Variants in SUFU observed in about 807,000 individuals in gnomAD.
SUFU encodes suppressor of fused homolog.
A neutral mutation model predicts 58.9 loss-of-function variants in SUFU; 7 were observed. That is an observed-to-expected ratio of 0.12 (90% confidence interval 0.07 to 0.22). The LOEUF (loss-of-function observed/expected upper bound fraction) is 0.22. Among genes scored for constraint, SUFU ranks in the 10% least tolerant of loss-of-function variants. The pLI, the probability that SUFU is intolerant of heterozygous loss-of-function variation, is 1.00. For missense variants in SUFU, 451 were observed against 641.3 expected (o/e 0.70, Z 3.20); for synonymous variants, 232 against 254.8 (o/e 0.91, Z 0.85).
intron 3 of SUFU, among the ~76,000 whole-genome samples, chr10:102,557,737 T>C (rs945871153): frequency 7.9e-5 from 12 of 152,152 alleles, no homozygotes; most frequent in African/African-American, 2.9e-4. Context: ...GGGCTATGAC[T>C]ATAGCTATGA....
chr10:102,618,606 G>A (rs45516493), intron 10 of SUFU: 15,248 of 169,388 alleles, frequency 0.09, 919 homozygotes, highest in Non-Finnish European at 0.13. Flanking sequence ...TTATTATATC[G>A]TTTCATAACA....
intron 10 of SUFU, among the ~76,000 whole-genome samples, chr10:102,622,991 C>CAAAAA (rs60442672): frequency 1.4e-4 from 8 of 58,358 alleles, no homozygotes; most frequent in Admixed American, 2.0e-4. Context: ...AACTCCGTCT[C>CAAAAA]AAAAAAAAAA....
chr10:102,597,005 TGCTCTCC>T (rs2135880550), intron 6 of SUFU, 128 bp from the exon 7 acceptor site: 1 of 1,053,830 alleles, frequency 9.5e-7, no homozygotes, highest in African/African-American at 1.6e-5. Flanking sequence ...TCAGAGATCC[TGCTCTCC>T]AGCATTTGTC....
At chr10:102,559,294 G>A (rs1286657287) in intron 3 of SUFU, among the ~76,000 whole-genome samples, 1 of 152,218 alleles carries the variant, frequency 6.6e-6, no homozygotes, top group Non-Finnish European at 1.5e-5. Flanking sequence ...AGAAGGGAAT[G>A]GCCAGGAAAA....
rs2062548434 is a variant in SUFU, at chr10:102,521,268, C to T, written c.317+11965C>T. On this transcript the variant is annotated intron_variant, in intron 2 of 11. Coordinates refer to ENST00000369902, the MANE Select transcript of SUFU (RefSeq NM_016169.4). Reference sequence around the variant, plus strand: ...TGCTTGTCTGTCATCTGTATATCTTCTTTGGTGACATATCTTTGTTTTTCT... The same window carrying T: ...TGCTTGTCTGTCATCTGTATATCTTTTTTGGTGACATATCTTTGTTTTTCT... Among the ~76,000 whole-genome samples the T allele has an allele frequency of 3.3e-5, 5 of 152,278 alleles. No individual in the cohort carries two copies. In the South Asian group the frequency reaches 1.0e-3, roughly 32 times the overall value.
chr10:102,523,682 A>T (rs2062575807), intron 2 of SUFU, among the ~76,000 whole-genome samples: 1 of 152,182 alleles, frequency 6.6e-6, no homozygotes, highest in Non-Finnish European at 1.5e-5. Context: ...CCAATTTCTC[A>T]TTCCTGTAAC....
intron 3 of SUFU, among the ~76,000 whole-genome samples, chr10:102,589,220 G>A (rs931618472): frequency 1.3e-5 from 2 of 151,492 alleles, no homozygotes; most frequent in Middle Eastern, 3.2e-3. Context: ...GAGCCACCAT[G>A]CATGGCCTTA....
chr10:102,514,324 G>T (rs1331940550), intron 2 of SUFU, among the ~76,000 whole-genome samples: 1 of 152,184 alleles, frequency 6.6e-6, no homozygotes, highest in East Asian at 1.9e-4. Flanking sequence ...CATGCTTCAG[G>T]GTCAGGAGGG....
intron 6 of SUFU, among the ~76,000 whole-genome samples, chr10:102,595,851 G>T (rs528885321): frequency 3.2e-4 from 48 of 152,172 alleles, no homozygotes; most frequent in African/African-American, 1.0e-3. Context: ...TAAGTCCCTC[G>T]CCTTCTGGGT....
intron 2 of SUFU, among the ~76,000 whole-genome samples, chr10:102,512,231 T>A (rs1404252286): frequency 1.3e-5 from 2 of 152,204 alleles, no homozygotes; most frequent in Non-Finnish European, 2.9e-5. Context: ...CTTGCCTGAA[T>A]GGGGACCCAG....
chr10:102,565,770 T>G (rs1156456910), intron 3 of SUFU, among the ~76,000 whole-genome samples: 1 of 151,946 alleles, frequency 6.6e-6, no homozygotes, highest in East Asian at 1.9e-4. Flanking sequence ...ATGGTCTCTA[T>G]CTCCTGACCT....
At chr10:102,526,206 A>G (rs1399388559) in intron 2 of SUFU, among the ~76,000 whole-genome samples, 1 of 152,156 alleles carries the variant, frequency 6.6e-6, no homozygotes, top group Non-Finnish European at 1.5e-5. Context: ...GTGAATAGCC[A>G]CTGCACGCCA....
chr10:102,503,944 G>A (rs1024451528), upstream of SUFU: 6 of 621,572 alleles, frequency 9.7e-6, no homozygotes, highest in South Asian at 7.9e-5. Context: ...CCCCCTTAGC[G>A]CCCCGCCGCC....
intron 6 of SUFU, among the ~76,000 whole-genome samples, chr10:102,594,699 T>G (rs1408949821): frequency 6.6e-6 from 1 of 152,180 alleles, no homozygotes; most frequent in African/African-American, 2.4e-5. Context: ...AGGTAAAGTT[T>G]GAAAGCCACA....
intron 10 of SUFU, among the ~76,000 whole-genome samples, chr10:102,620,544 C>T (rs963156361): frequency 6.6e-6 from 1 of 152,214 alleles, no homozygotes; most frequent in Non-Finnish European, 1.5e-5. Flanking sequence ...AAGCCAGCTC[C>T]AGTTCCACAG....
intron 8 of SUFU, among the ~76,000 whole-genome samples, chr10:102,613,339 A>G (rs1160090211): frequency 6.6e-6 from 1 of 152,274 alleles, no homozygotes; most frequent in Non-Finnish European, 1.5e-5. Flanking sequence ...CGCTTTGTGA[A>G]GGAACAGTCA....
chr10:102,590,341 A>G (rs2063386127), intron 3 of SUFU, among the ~76,000 whole-genome samples: 1 of 150,978 alleles, frequency 6.6e-6, no homozygotes, highest in Admixed American at 6.6e-5. Context: ...AATTTTTTGT[A>G]TTTTTAGTAG....
intron 8 of SUFU, among the ~76,000 whole-genome samples, chr10:102,604,667 A>T (rs1240742069): frequency 6.6e-6 from 1 of 152,192 alleles, no homozygotes; most frequent in African/African-American, 2.4e-5. Flanking sequence ...GTGTCTCAGA[A>T]AAAGGAAAGC....
chr10:102,625,889 C>T lies in SUFU; in HGVS notation c.1297-1286C>T, dbSNP rs373771238. Reference sequence around the variant, plus strand: ...GCACTCCTTCCTTGTTATCTCACAGCGTGGAAACTTTTGTTCTTGGCAGCT... The same window carrying T: ...GCACTCCTTCCTTGTTATCTCACAGTGTGGAAACTTTTGTTCTTGGCAGCT... On this transcript the variant is annotated intron_variant, in intron 10 of 11. Coordinates refer to ENST00000369902, the MANE Select transcript of SUFU (RefSeq NM_016169.4). The surrounding 1 kb of genome is among the most constrained non-coding windows in gnomAD (Gnocchi z 4.7). Among the ~76,000 whole-genome samples, 3 of 152,176 alleles carry T rather than the reference C, an allele frequency of 2.0e-5. No individual in the cohort carries two copies. Among genetic ancestry groups the T allele is most frequent in the African/African-American group, 4.8e-5 (2 of 41,440 alleles).
Sources: gnomAD v4.1 joint callset for allele counts (sites outside exome capture counted in the v4.1 genomes callset) on GRCh38, gnomAD v4.1.1 for gene constraint, Gnocchi (gnomAD v3.1) non-coding constraint, MANE v1.5 for transcripts, NCBI Gene and HGNC (gene_info 2026-07-23, HGNC 2026-07-21) for gene names.